Variants in SLC25A39 observed in about 807,000 individuals in gnomAD.
SLC25A39 encodes the protein solute carrier family 25 member 39, also known as mitochondrial glutathione transporter SLC25A39.
In SLC25A39, 44 loss-of-function variants were observed where a neutral mutation model predicts 46.6. The ratio of observed to expected loss-of-function variants is 0.94; its 90% CI spans 0.74 to 1.21. SLC25A39 has a LOEUF of 1.21. SLC25A39 is among the 50% of genes most tolerant of loss of function. SLC25A39 has a pLI of 0.00. For synonymous variants in SLC25A39, 218 were observed against 190.6 expected (o/e 1.14, Z -1.19); for missense variants, 487 against 473.0 (o/e 1.03, Z -0.28).
rs1460595023 is a variant in SLC25A39, at chr17:44,320,217, C to T, written c.943G>A (p.Gly315Ser). Residue 315 changes from glycine (G) to serine (S), a missense_variant, in exon 11 of 12, where the codon GGC becomes AGC. Transcript: ENST00000377095. ...TGACCTGCAAAGAGTCCCTTGGTGC[C>T]CGACTCGGCCCGGATCCTCCGCAGC... ...LLLRRIRAES[G>S]TKGLFAGFLP... The T allele has an allele frequency of 6.2e-7, 1 of 1,613,966 alleles. No homozygotes were observed. The highest frequency in any genetic ancestry group is 8.5e-7 in the Non-Finnish European group (1 of 1,180,022).
intron 1 of SLC25A39, chr17:44,324,037 C>T: frequency 5.9e-6 from 1 of 170,398 alleles, no homozygotes; most frequent in South Asian, 1.3e-4. Context: ...ACTGTCCGCC[C>T]CCCTCCGCCG....
chr17:44,322,025 A>G (rs993985944), intron 5 of SLC25A39, among the ~76,000 whole-genome samples: 4 of 152,196 alleles, frequency 2.6e-5, no homozygotes, highest in Admixed American at 2.6e-4. Flanking sequence ...CAAGGCGGAT[A>G]AATCACTTGA....
In SLC25A39 at chr17:44,320,359, C is replaced by T. The variant is rs768064559; in HGVS notation, c.879G>A (p.Val293=). The T allele has an allele frequency of 1.2e-6, 2 of 1,613,480 alleles. No individual in the cohort carries two copies. The highest frequency in any genetic ancestry group is 1.7e-6 in the Non-Finnish European group (2 of 1,180,038). The change falls in exon 10 of 12, where the codon GTG becomes GTA. Residue 293 remains valine, a synonymous_variant. Coordinates refer to ENST00000377095, the MANE Select transcript of SLC25A39 (RefSeq NM_001143780.3). Reference sequence around the variant, plus strand: ...CACGGCAATCTGGGCCCTCACCTCTCACAGCCTCCATCGCTCCCAGAGCGA... The same window carrying T: ...CACGGCAATCTGGGCCCTCACCTCTTACAGCCTCCATCGCTCCCAGAGCGA... The part of the protein sequence containing the change: ...RQVALGAMEA[V]RVNPLHVDST...
At chr17:44,321,353 G>T (rs776745509) in intron 7 of SLC25A39, 81 bp downstream of exon 7, 14 of 1,603,002 alleles carry the variant, frequency 8.7e-6, no homozygotes, top group Non-Finnish European at 1.2e-5. Flanking sequence ...GCTGGCAGAG[G>T]TTGGGGCTGG....
At position 44,323,461 on chromosome 17, in the gene SLC25A39, C is replaced by T; in HGVS notation, c.85+17G>A. ...CCCATCCCCACCCGCCCCCACCCCACCTCCCCTAGGTCTTACTGAAGAGAG... is the reference window on the plus strand; with the variant it reads ...CCCATCCCCACCCGCCCCCACCCCATCTCCCCTAGGTCTTACTGAAGAGAG... On this transcript the variant is annotated intron_variant, in intron 2 of 11. Transcript: ENST00000377095. The T allele has an allele frequency of 1.3e-6, 2 of 1,528,966 alleles. No individual in the cohort carries two copies. The highest frequency in any genetic ancestry group is 1.8e-6 in the Non-Finnish European group (2 of 1,134,596). The allele number at this position is 1,528,966 out of a possible 1,614,324, so 94.7% of individuals were successfully genotyped here.
intron 7 of SLC25A39, 37 bp from the exon 8 acceptor site, chr17:44,321,268 A>C (rs370867985): frequency 7.9e-5 from 125 of 1,587,272 alleles, no homozygotes; most frequent in Admixed American, 1.4e-4. Flanking sequence ...GGGAGAAGTG[A>C]GATCACAGGT....
At chr17:44,320,174 C>T (rs548895675) in intron 11 of SLC25A39, 22 bp downstream of exon 11, 5 of 1,613,984 alleles carry the variant, frequency 3.1e-6, no homozygotes, top group Non-Finnish European at 3.4e-6. Context: ...CATGCCCCCA[C>T]CCCCGACACC....
At chr17:44,323,121 C>T (rs867864540) in intron 3 of SLC25A39, among the ~76,000 whole-genome samples, 163 bp downstream of exon 3, 2 of 152,172 alleles carry the variant, frequency 1.3e-5, no homozygotes, top group African/African-American at 4.8e-5. Context: ...GAGAGTTTCA[C>T]CACGTTGGCC....
At position 44,319,898 on chromosome 17, in the gene SLC25A39, A is replaced by G; in HGVS notation, c.*103T>C. ...AGCTTGTCGCCGGGAGGGAAGGGAA[A>G]CAAGCCCCCTCCCTCAGTGCTGAGG... On this transcript the variant is annotated 3_prime_UTR_variant, in exon 12 of 12. Coordinates refer to ENST00000377095, the MANE Select transcript of SLC25A39 (RefSeq NM_001143780.3). 8.8e-7 allele frequency: 1 copy of G among 1,134,338 alleles called. No individual in the cohort carries two copies. The highest frequency in any genetic ancestry group is 1.3e-6 in the Non-Finnish European group (1 of 777,328). 70.3% of individuals were successfully genotyped at this position (1,134,338 alleles called of 1,614,324 possible). A position where few individuals can be genotyped will look rare whatever the true frequency, so the allele number is the denominator to read the frequency against.
At chr17:44,323,455 A>ACC in intron 2 of SLC25A39, 23 bp downstream of exon 2, 3 of 221,246 alleles carry the variant, frequency 1.4e-5, no homozygotes, top group Admixed American at 1.2e-4. Context: ...ACCCGCCCCC[A>ACC]CCCCACCTCC....
At chr17:44,320,951 G>A (rs897987315) in intron 8 of SLC25A39, 107 bp downstream of exon 8, 17 of 1,340,082 alleles carry the variant, frequency 1.3e-5, no homozygotes, top group Admixed American at 2.7e-5. Context: ...GCTCAGAAAA[G>A]CTAAGTAACT....
At chr17:44,320,901 C>T (rs888122669) in intron 8 of SLC25A39, 157 bp downstream of exon 8, 3 of 1,034,188 alleles carry the variant, frequency 2.9e-6, no homozygotes, top group Admixed American at 5.6e-5. Context: ...TGGGCAAATA[C>T]TCTACCTGCT....
At chr17:44,321,350 G>A (rs1269526945) in intron 7 of SLC25A39, 84 bp downstream of exon 7, 14 of 1,601,362 alleles carry the variant, frequency 8.7e-6, no homozygotes, top group South Asian at 1.1e-5. Context: ...TAGGCTGGCA[G>A]AGGTTGGGGC....
At position 44,320,185 on chromosome 17, in the gene SLC25A39, C is replaced by T; in HGVS notation, c.964+11G>A. On this transcript the variant is annotated intron_variant, in intron 11 of 11. Transcript: ENST00000377095. ...CCGCCATGCCCCCACCCCCGACACCCACACACTGACCTGCAAAGAGTCCCT... is the reference window on the plus strand; with the variant it reads ...CCGCCATGCCCCCACCCCCGACACCTACACACTGACCTGCAAAGAGTCCCT... The T allele has an allele frequency of 6.2e-7, 1 of 1,613,564 alleles. No homozygotes were observed. The highest frequency in any genetic ancestry group is 2.2e-5 in the East Asian group (1 of 44,828).
chr17:44,322,742 G>T, intron 4 of SLC25A39, 66 bp downstream of exon 4: 2 of 1,609,386 alleles, frequency 1.2e-6, no homozygotes, highest in South Asian at 2.2e-5. Context: ...TGGTGCCCTG[G>T]GGACAGGGAC....
chr17:44,322,811 T>A lies in SLC25A39; in HGVS notation c.187A>T (p.Lys63Ter). ...SSRLWSLSYT[K>*]LPSSLQSTGK... ...CCCTGTGGCTTGGGGCACTCACATT[T>A]GGTATAGGAGAGGCTCCACAGTCTG... Residue 63 changes from lysine (K) to a stop codon, truncating the protein, a stop_gained, in exon 4 of 12, where the codon AAA (lysine) becomes TAA (stop). Transcript: ENST00000377095. LOFTEE classifies it high-confidence loss of function. 1 of 1,613,994 alleles carries A rather than the reference T, an allele frequency of 6.2e-7. No individual in the cohort carries two copies. The highest frequency in any genetic ancestry group is 8.5e-7 in the Non-Finnish European group (1 of 1,179,966).
At chr17:44,322,012 G>A (rs1303255799) in intron 5 of SLC25A39, among the ~76,000 whole-genome samples, 2 of 152,226 alleles carry the variant, frequency 1.3e-5, no homozygotes, top group Admixed American at 6.5e-5. Context: ...CACTTTGGGA[G>A]GCCAAGGCGG....
chr17:44,320,391 G>T lies in SLC25A39; in HGVS notation c.847C>A (p.Arg283Ser). Reference sequence around the variant, plus strand: ...TCCATCGCTCCCAGAGCGACCTGGCGTTGGGTCTTTACCACGTCAAAGGGT... The same window carrying T: ...TCCATCGCTCCCAGAGCGACCTGGCTTTGGGTCTTTACCACGTCAAAGGGT... ...TLPFDVVKTQ[R>S]QVALGAMEAV... Residue 283 changes from arginine (R) to serine (S), a missense_variant, in exon 10 of 12, where the codon CGC becomes AGC. Arg to Ser is a moderately radical substitution (Grantham distance 110). Coordinates refer to ENST00000377095, the MANE Select transcript of SLC25A39 (RefSeq NM_001143780.3). 1 of 1,613,598 alleles carries T rather than the reference G, an allele frequency of 6.2e-7. No homozygotes were observed.
chr17:44,320,819 C>G, intron 8 of SLC25A39, 88 bp from the exon 9 acceptor site: 1 of 1,116,170 alleles, frequency 9.0e-7, no homozygotes, highest in Non-Finnish European at 1.3e-6. Context: ...CACTCCCTCC[C>G]AGCTGTGAGT....
Sources: gnomAD v4.1 joint callset for allele counts (sites outside exome capture counted in the v4.1 genomes callset) on GRCh38, gnomAD v4.1.1 for gene constraint, MANE v1.5 for transcripts, NCBI Gene and HGNC (gene_info 2026-07-23, HGNC 2026-07-21) for gene names.